The following CTNNB1 variants were observed in gnomAD, a reference collection of about 807,000 sequenced individuals.
CTNNB1 encodes catenin beta-1.
A neutral mutation model predicts 82.5 loss-of-function variants in CTNNB1; 6 were observed. The observed-to-expected ratio is 0.07, with a 90% CI of 0.04 to 0.14. CTNNB1 has a LOEUF of 0.14. Ranked by LOEUF, CTNNB1 falls within the 10% of genes least tolerant of loss-of-function variation. The probability of loss-of-function intolerance (pLI) is 1.00; values close to 1 mark genes in which losing one functional copy is unlikely to be tolerated. For synonymous variants in CTNNB1, 312 were observed against 329.7 expected (o/e 0.95, Z 0.58); for missense variants, 529 against 980.4 (o/e 0.54, Z 6.15).
Position 41,225,739 on chromosome 3 carries a change from G to A in CTNNB1, c.814G>A (p.Ala272Thr), listed in dbSNP as rs2125624295. 1 of 1,614,102 alleles carries A rather than the reference G, an allele frequency of 6.2e-7. No individual in the cohort carries two copies. Among genetic ancestry groups the A allele is most frequent in the South Asian group, 1.1e-5 (1 of 91,086 alleles). Reference sequence around the variant, plus strand: ...ATTACATCAAGAAGGAGCTAAAATGGCAGTGCGTTTAGCTGGTGGGCTGCA... The same window carrying A: ...ATTACATCAAGAAGGAGCTAAAATGACAGTGCGTTTAGCTGGTGGGCTGCA... ...LLLHQEGAKM[A>T]VRLAGGLQKM... The change falls in exon 6 of 15, where the codon GCA becomes ACA. Residue 272 changes from alanine to threonine, a missense_variant. By Grantham distance (58) the Ala-to-Thr change is moderately conservative. This residue lies in a region of CTNNB1 where 411 missense variants were observed against 776.4 expected (regional missense o/e 0.53). Coordinates refer to ENST00000349496, the MANE Select transcript of CTNNB1 (RefSeq NM_001904.4). The surrounding 1 kb of genome is among the most constrained non-coding windows in gnomAD (Gnocchi z 5.3).
intron 1 of CTNNB1, chr3:41,200,079 C>T (rs1339000156): frequency 3.1e-5 from 2 of 65,316 alleles, no homozygotes; most frequent in African/African-American, 1.2e-4. Flanking sequence ...GGGGTGGGGA[C>T]GGGGGGCTCC....
chr3:41,223,279 A>G (rs182023874), intron 1 of CTNNB1, among the ~76,000 whole-genome samples: 17 of 152,244 alleles, frequency 1.1e-4, no homozygotes, highest in African/African-American at 3.9e-4. Context: ...GTTTTTTTCA[A>G]TATTGCACAA....
chr3:41,236,301 T>A, intron 11 of CTNNB1, 48 bp from the exon 12 acceptor site: 2 of 1,610,604 alleles, frequency 1.2e-6, no homozygotes, highest in Non-Finnish European at 1.7e-6. Flanking sequence ...GGGCTTGCCA[T>A]GTTTTAGCTT....
At chr3:41,209,118 G>A (rs1337136740) in intron 1 of CTNNB1, among the ~76,000 whole-genome samples, 2 of 152,162 alleles carry the variant, frequency 1.3e-5, no homozygotes, top group African/African-American at 4.8e-5. Context: ...TCTGTTAGCA[G>A]CTTTTCCTCT....
At chr3:41,237,954 T>A in intron 13 of CTNNB1, 62 bp from the exon 14 acceptor site, 1 of 1,391,496 alleles carries the variant, frequency 7.2e-7, no homozygotes, top group Non-Finnish European at 1.0e-6. Flanking sequence ...AAAAAATTAG[T>A]GTACTTTTGA....
rs965873337 is a variant in CTNNB1, at chr3:41,236,577, T to G, written c.1955-11T>G. On this transcript the variant is annotated splice_polypyrimidine_tract_variant and intron_variant, in intron 12 of 14. Transcript: ENST00000349496. ...TTTTTCCTCAAGGGCCTTTTTCTCCTTGTCTCTTAGCGACATATGCAGCTG... is the reference window on the plus strand; with the variant it reads ...TTTTTCCTCAAGGGCCTTTTTCTCCGTGTCTCTTAGCGACATATGCAGCTG... The G allele has an allele frequency of 2.5e-6, 4 of 1,614,122 alleles. No individual in the cohort carries two copies. The highest frequency in any genetic ancestry group is 4.5e-5 in the East Asian group (2 of 44,902).
In CTNNB1 at chr3:41,235,769, C is replaced by G; in HGVS notation, c.1729C>G (p.Leu577Val). Residue 577 changes from leucine (L) to valine (V), a missense_variant, in exon 11 of 15, where the codon CTT becomes GTT. Coordinates refer to ENST00000349496, the MANE Select transcript of CTNNB1 (RefSeq NM_001904.4). ...EEIVEGCTGA[L>V]HILARDVHNR... is the part of the protein sequence containing the mutation. ...AATAGTTGAAGGTTGTACCGGAGCC[C>G]TTCACATCCTAGCTCGGGATGTTCA... is the stretch of plus-strand genomic sequence containing the variant. 1.9e-6 allele frequency: 3 copies of G among 1,614,116 alleles called. No individual in the cohort carries two copies. Among genetic ancestry groups the G allele is most frequent in the Non-Finnish European group, 2.5e-6 (3 of 1,179,986 alleles).
Position 41,224,966 on chromosome 3 carries a change from A to C in CTNNB1, c.254A>C (p.Gln85Pro), listed in dbSNP as rs770494663. The change falls in exon 4 of 15, where the codon CAG (glutamine) becomes CCG (proline). Residue 85 changes from glutamine to proline, a missense_variant. Gln to Pro is a moderately conservative substitution (Grantham distance 76). This residue lies in a region of CTNNB1 where 411 missense variants were observed against 776.4 expected (regional missense o/e 0.53). Coordinates refer to ENST00000349496, the MANE Select transcript of CTNNB1 (RefSeq NM_001904.4). Reference sequence around the variant, plus strand: ...TAACCTTTTCCAGATATTGATGGACAGTATGCAATGACTCGAGCTCAGAGG... The same window carrying C: ...TAACCTTTTCCAGATATTGATGGACCGTATGCAATGACTCGAGCTCAGAGG... ...TQEQVADIDGQYAMTRAQRVR... is the reference protein window; with the variant it reads ...TQEQVADIDGPYAMTRAQRVR... The C allele has an allele frequency of 6.2e-7, 1 of 1,614,122 alleles. No individual in the cohort carries two copies. Among genetic ancestry groups the C allele is most frequent in the Non-Finnish European group, 8.5e-7 (1 of 1,179,976 alleles).
At chr3:41,207,161 A>G (rs1180270897) in intron 1 of CTNNB1, among the ~76,000 whole-genome samples, 1 of 152,152 alleles carries the variant, frequency 6.6e-6, no homozygotes, top group East Asian at 1.9e-4. Context: ...CCCATAGAAT[A>G]AGAAGAGGCT....
Position 41,225,698 on chromosome 3 carries a change from C to A in CTNNB1, c.773C>A (p.Thr258Asn), listed in dbSNP as rs1427148157. ...TCTGTGTTGTTTTATGCCATTACAA[C>A]TCTCCACAACCTTTTATTACATCAA... ...VDSVLFYAIT[T>N]LHNLLLHQEG... is the part of the protein sequence containing the mutation. The change falls in exon 6 of 15, where the codon ACT (threonine) becomes AAT (asparagine). Residue 258 changes from threonine (T) to asparagine (N), a missense_variant. Thr to Asn is a moderately conservative substitution (Grantham distance 65, BLOSUM62 0). Coordinates refer to ENST00000349496, the MANE Select transcript of CTNNB1 (RefSeq NM_001904.4). The surrounding 1 kb of genome is among the most constrained non-coding windows in gnomAD (Gnocchi z 5.3). The A allele has an allele frequency of 6.2e-7, 1 of 1,614,052 alleles. No individual in the cohort carries two copies. Among genetic ancestry groups the A allele is most frequent in the East Asian group, 2.2e-5 (1 of 44,900 alleles).
intron 1 of CTNNB1, chr3:41,211,071 G>T (rs1364176496): frequency 2.2e-6 from 1 of 456,410 alleles, no homozygotes; most frequent in South Asian, 1.5e-5. Context: ...AGGATTACAG[G>T]TAAGAGCCAC....
intron 1 of CTNNB1, among the ~76,000 whole-genome samples, chr3:41,205,137 C>T (rs1179999508): frequency 6.6e-6 from 1 of 152,132 alleles, no homozygotes; most frequent in Non-Finnish European, 1.5e-5. Flanking sequence ...ACGTCAAATG[C>T]TGGACAAATT....
rs1455385247 is a variant in CTNNB1, at chr3:41,239,125, C to G, written c.2138-9C>G. The G allele has an allele frequency of 6.2e-7, 1 of 1,612,798 alleles. No homozygotes were observed. Among genetic ancestry groups the G allele is most frequent in the South Asian group, 1.1e-5 (1 of 91,020 alleles). ...CTTGCCTATTTTGTTGACACCCTGACTCTTCTAGATCCTAGCTATCGTTCT... is the reference window on the plus strand; with the variant it reads ...CTTGCCTATTTTGTTGACACCCTGAGTCTTCTAGATCCTAGCTATCGTTCT... On this transcript the variant is annotated splice_polypyrimidine_tract_variant and intron_variant, in intron 14 of 14. Transcript: ENST00000349496.
In CTNNB1 at chr3:41,235,708, A is replaced by G. The variant is rs769711634; in HGVS notation, c.1684-16A>G. 1.2e-6 allele frequency: 2 copies of G among 1,614,112 alleles called. No individual in the cohort carries two copies. The highest frequency in any genetic ancestry group is 1.7e-6 in the Non-Finnish European group (2 of 1,179,982). On this transcript the variant is annotated splice_polypyrimidine_tract_variant and intron_variant, in intron 10 of 14. Coordinates refer to ENST00000349496, the MANE Select transcript of CTNNB1 (RefSeq NM_001904.4). ...GAGGAGAATGCCCTGTTTGTTAACC[A>G]TGTTTCTTTTGGCAGGAGGGGGTCC...
chr3:41,220,588 C>T (rs1028763418), intron 1 of CTNNB1: 32 of 152,292 alleles, frequency 2.1e-4, no homozygotes, highest in Admixed American at 2.0e-3. Flanking sequence ...AATGAAAATG[C>T]ATATGCATGT....
chr3:41,225,437 G>T lies in CTNNB1; in HGVS notation c.599G>T (p.Arg200Leu). ...RSPQMVSAIVRTMQNTNDVET... is the reference protein window; with the variant it reads ...RSPQMVSAIVLTMQNTNDVET... Reference sequence around the variant, plus strand: ...CCTCAGATGGTGTCTGCTATTGTACGTACCATGCAGAATACAAATGATGTA... The same window carrying T: ...CCTCAGATGGTGTCTGCTATTGTACTTACCATGCAGAATACAAATGATGTA... Residue 200 changes from arginine to leucine, a missense_variant, in exon 5 of 15, where the codon CGT becomes CTT. Physicochemically the swap from Arg to Leu is moderately radical, Grantham distance 102 (BLOSUM62 -2). Transcript: ENST00000349496. The surrounding 1 kb of genome is among the most constrained non-coding windows in gnomAD (Gnocchi z 5.3). 2 of 1,613,862 alleles carry T rather than the reference G, an allele frequency of 1.2e-6. No individual in the cohort carries two copies. The highest frequency in any genetic ancestry group is 1.7e-6 in the Non-Finnish European group (2 of 1,179,938).
At chr3:41,202,015 T>A (rs2077543145) in intron 1 of CTNNB1, among the ~76,000 whole-genome samples, 1 of 152,080 alleles carries the variant, frequency 6.6e-6, no homozygotes, top group Non-Finnish European at 1.5e-5. Flanking sequence ...GATACTCGTT[T>A]TTGTTATAGG....
chr3:41,231,113 G>C (rs932090935), intron 7 of CTNNB1, among the ~76,000 whole-genome samples: 1 of 152,076 alleles, frequency 6.6e-6, no homozygotes, highest in Non-Finnish European at 1.5e-5. Context: ...GGATCATGAG[G>C]TCAGGAGATC....
chr3:41,226,298 C>T (rs956101026), intron 6 of CTNNB1, among the ~76,000 whole-genome samples: 1 of 152,196 alleles, frequency 6.6e-6, no homozygotes, highest in African/African-American at 2.4e-5. Context: ...CTTCTCTTCA[C>T]ACTTTTGTTC....
Sources: allele counts gnomAD v4.1 joint callset (sites outside exome capture counted in the v4.1 genomes callset), GRCh38; gene constraint gnomAD v4.1.1; regional missense constraint gnomAD v4.1.1; non-coding constraint Gnocchi (gnomAD v3.1); transcripts MANE v1.5; gene names NCBI Gene and HGNC (gene_info 2026-07-23, HGNC 2026-07-21).